Variants in BTBD9 observed in about 807,000 individuals in gnomAD.
BTBD9 encodes BTB/POZ domain-containing protein 9.
A neutral mutation model predicts 64.3 loss-of-function variants in BTBD9; 49 were observed. The ratio of observed to expected loss-of-function variants is 0.76; its 90% CI spans 0.61 to 0.97. The LOEUF is 0.97. Ranked by LOEUF, BTBD9 falls within the 50% of genes least tolerant of loss-of-function variation. BTBD9 has a pLI of 0.00. For missense variants in BTBD9, 598 were observed against 762.1 expected (o/e 0.78, Z 2.53); for synonymous variants, 260 against 274.7 (o/e 0.95, Z 0.53).
intron 9 of BTBD9, 86 bp from the exon 10 acceptor site, chr6:38,192,683 A>C: frequency 8.2e-7 from 1 of 1,225,684 alleles, no homozygotes; most frequent in Admixed American, 1.7e-5. Context: ...TCCACTGAGG[A>C]GGGAGGGCTT....
chr6:38,467,840 A>T (rs150415536), intron 6 of BTBD9, among the ~76,000 whole-genome samples: 73 of 152,310 alleles, frequency 4.8e-4, no homozygotes, highest in Non-Finnish European at 8.1e-4. Context: ...CCTCCTCTGT[A>T]GATTCTATTT....
chr6:38,425,555 G>A lies in BTBD9; in HGVS notation c.1155-80462C>T, dbSNP rs1382496181. On this transcript the variant is annotated intron_variant, in intron 6 of 10. Coordinates refer to ENST00000481247, the MANE Select transcript of BTBD9 (RefSeq NM_001099272.2). ...AGATTCTACGTGTAAAGTACATATA[G>A]GGAGAGAGAATAGGAGAGGGAGTTC... Among the ~76,000 whole-genome samples, 3 of 151,826 alleles carry A rather than the reference G, an allele frequency of 2.0e-5. No homozygotes were observed. In the East Asian group the frequency reaches 5.8e-4, roughly 29 times the overall value.
intron 8 of BTBD9, among the ~76,000 whole-genome samples, chr6:38,262,260 T>C (rs552330072): frequency 9.2e-5 from 14 of 152,282 alleles, no homozygotes; most frequent in African/African-American, 2.9e-4. Context: ...CTTCCACCCA[T>C]AGATCAGAAG....
At position 38,374,283 on chromosome 6, in the gene BTBD9, G is replaced by GTATATATATATATACACA. The variant is rs57568036; in HGVS notation, c.1155-29191_1155-29190insTGTGTATATATATATATA. 7.3e-4 allele frequency among the ~76,000 whole-genome samples: 33 copies of GTATATATATATATACACA among 45,466 alleles called. 2 individuals are homozygous for GTATATATATATATACACA. The highest frequency in any genetic ancestry group is 5.0e-3 in the African/African-American group (31 of 6,196). 29.8% of individuals were successfully genotyped at this position (45,466 alleles called of 152,430 possible). ...GGCCTTGTGTCGAAAAAAAAAAAAA[G>GTATATATATATATACACA]TATATATATATATGTATATATATGT... On this transcript the variant is annotated intron_variant, in intron 6 of 10. Coordinates refer to ENST00000481247, the MANE Select transcript of BTBD9 (RefSeq NM_001099272.2).
At chr6:38,588,068 C>G (rs1057174623) in intron 4 of BTBD9, 2 of 727,004 alleles carry the variant, frequency 2.8e-6, no homozygotes, top group African/African-American at 1.7e-5. Flanking sequence ...TCAGCTGTAT[C>G]AATAGTACCA....
intron 7 of BTBD9, among the ~76,000 whole-genome samples, chr6:38,329,664 A>G (rs1389349067): frequency 6.6e-6 from 1 of 151,996 alleles, no homozygotes; most frequent in Non-Finnish European, 1.5e-5. Context: ...CTTCTATAAA[A>G]CATGTACTGG....
intron 9 of BTBD9, among the ~76,000 whole-genome samples, chr6:38,210,147 T>C (rs1231956842): frequency 6.6e-6 from 1 of 152,192 alleles, no homozygotes. Context: ...CACTCTGCCA[T>C]ACAGCCTCCT....
At chr6:38,540,832 T>C (rs75585827) in intron 6 of BTBD9, among the ~76,000 whole-genome samples, 4,857 of 152,318 alleles carry the variant, frequency 0.032, 101 homozygotes, top group Non-Finnish European at 0.047. Flanking sequence ...TAAGTATAAA[T>C]TTTTTAAAAA....
intron 6 of BTBD9, among the ~76,000 whole-genome samples, chr6:38,392,401 TG>T (rs1443308138): frequency 6.6e-6 from 1 of 152,114 alleles, no homozygotes; most frequent in Non-Finnish European, 1.5e-5. Context: ...CTAGAATGAG[TG>T]AGTCCCTCAT....
At chr6:38,418,465 T>C (rs1257349937) in intron 6 of BTBD9, among the ~76,000 whole-genome samples, 1 of 152,204 alleles carries the variant, frequency 6.6e-6, no homozygotes, top group Non-Finnish European at 1.5e-5. Context: ...TGTATGTGTG[T>C]ACCAAGATGA....
rs143270947 is a variant in BTBD9 at position 38,606,388 on chromosome 6, T to C, written c.-27-8267A>G. The stretch of plus-strand genomic sequence containing the variant: ...AAGGTTCCCACAATGAAACCACTGA[T>C]TGAAGATAATATAACATTGTCAACA... On this transcript the variant is annotated intron_variant, in intron 1 of 10. Transcript: ENST00000481247. Among the ~76,000 whole-genome samples, 36 of 152,228 alleles carry C rather than the reference T, an allele frequency of 2.4e-4. No individual in the cohort carries two copies. In the East Asian group the frequency reaches 2.9e-3, roughly 12 times the overall value.
intron 7 of BTBD9, among the ~76,000 whole-genome samples, chr6:38,321,822 T>TAC (rs3047757): frequency 9.1e-4 from 137 of 149,910 alleles, no homozygotes; most frequent in Middle Eastern, 3.4e-3. Flanking sequence ...TCTTGTTTTA[T>TAC]ACACACACAC....
At chr6:38,619,361 G>A (rs1777908280) in intron 1 of BTBD9, among the ~76,000 whole-genome samples, 1 of 152,160 alleles carries the variant, frequency 6.6e-6, no homozygotes, top group Non-Finnish European at 1.5e-5. Flanking sequence ...CTTAGTCATG[G>A]CCCTCAGACA....
At chr6:38,310,434 A>T (rs1037770340) in intron 7 of BTBD9, among the ~76,000 whole-genome samples, 2 of 151,922 alleles carry the variant, frequency 1.3e-5, no homozygotes, top group African/African-American at 2.4e-5. Flanking sequence ...AAAAAAAAAA[A>T]TCTGGGCAAA....
intron 6 of BTBD9, among the ~76,000 whole-genome samples, chr6:38,414,262 T>G (rs763472487): frequency 6.6e-6 from 1 of 152,206 alleles, no homozygotes; most frequent in Non-Finnish European, 1.5e-5. Flanking sequence ...ATATTCTCCC[T>G]GCTATCTGGA....
chr6:38,284,166 A>C (rs1761626531), intron 8 of BTBD9, among the ~76,000 whole-genome samples: 1 of 152,028 alleles, frequency 6.6e-6, no homozygotes, highest in Non-Finnish European at 1.5e-5. Context: ...ACAGAGCTTC[A>C]ATTGCATGGA....
intron 9 of BTBD9, among the ~76,000 whole-genome samples, chr6:38,250,331 A>G (rs1764349086): frequency 6.6e-6 from 1 of 152,242 alleles, no homozygotes; most frequent in African/African-American, 2.4e-5. Flanking sequence ...CAACGGAAAA[A>G]ACTAATCAGG....
chr6:38,455,332 T>C (rs1293273509), intron 6 of BTBD9, among the ~76,000 whole-genome samples: 1 of 152,148 alleles, frequency 6.6e-6, no homozygotes, highest in Non-Finnish European at 1.5e-5. Context: ...ATTGCTATCA[T>C]TTTGCCTCAT....
intron 1 of BTBD9, among the ~76,000 whole-genome samples, chr6:38,614,264 T>C (rs1236339702): frequency 6.6e-6 from 1 of 152,124 alleles, no homozygotes; most frequent in Non-Finnish European, 1.5e-5. Context: ...TGTTCCCCCA[T>C]CACCGCCCCT....
Sources: gnomAD v4.1 joint callset for allele counts (sites outside exome capture counted in the v4.1 genomes callset) on GRCh38, gnomAD v4.1.1 for gene constraint, MANE v1.5 for transcripts, NCBI Gene and HGNC (gene_info 2026-07-23, HGNC 2026-07-21) for gene names.